The following PCNT variants were observed in gnomAD, a reference collection of about 807,000 sequenced individuals.
The protein encoded by PCNT is kendrin.
A neutral mutation model predicts 380.4 loss-of-function variants in PCNT; 319 were observed. That is an observed-to-expected ratio of 0.84 (90% CI 0.77 to 0.92). The LOEUF (loss-of-function observed/expected upper bound fraction) is 0.92, where lower values mean the gene tolerates loss of function less well. Among genes scored for constraint, PCNT ranks in the 40% least tolerant of loss-of-function variants. The probability of loss-of-function intolerance (pLI) is 0.00; values close to 1 mark genes in which losing one functional copy is unlikely to be tolerated. For synonymous variants in PCNT, 1,845 were observed against 1,735.2 expected (o/e 1.06, Z -1.57); for missense variants, 4,400 against 4,255.3 (o/e 1.03, Z -0.95).
Position 46,411,873 on chromosome 21 carries a change from C to A in PCNT, c.5800C>A (p.Gln1934Lys). The A allele has an allele frequency of 6.4e-7, 1 of 1,568,964 alleles. No homozygotes were observed. Among genetic ancestry groups the A allele is most frequent in the Non-Finnish European group, 8.6e-7 (1 of 1,164,482 alleles). The change falls in exon 28 of 47, where the codon CAG becomes AAG. Residue 1934 changes from glutamine to lysine, a missense_variant. Physicochemically the swap from Gln to Lys is moderately conservative, Grantham distance 53 (BLOSUM62 1). Transcript: ENST00000359568. Reference protein sequence around the residue: ...AQCARLSRQLQVLHQRFLRCQ... With the variant: ...AQCARLSRQLKVLHQRFLRCQ... ...GTGTGCCCGCCTCAGCCGCCAGCTG[C>A]AGGTGCTGCACCAGCGGTTCCTGAG...
At chr21:46,328,813 A>T (rs547999726) in intron 2 of PCNT, among the ~76,000 whole-genome samples, 4 of 142,712 alleles carry the variant, frequency 2.8e-5, no homozygotes, top group Admixed American at 7.0e-5. Flanking sequence ...TCACTCTGTC[A>T]TCCAGGCTGG....
At chr21:46,375,757 C>T (rs1000171355) in intron 15 of PCNT, among the ~76,000 whole-genome samples, 3 of 152,246 alleles carry the variant, frequency 2.0e-5, no homozygotes, top group African/African-American at 7.2e-5. Flanking sequence ...CCCTGCCCGA[C>T]GTCTCCTGGG....
chr21:46,394,176 C>G (rs2086130358), intron 21 of PCNT, among the ~76,000 whole-genome samples: 1 of 152,258 alleles, frequency 6.6e-6, no homozygotes, highest in African/African-American at 2.4e-5. Flanking sequence ...AGGGCCTAGG[C>G]TCTGACGGTG....
chr21:46,415,155 G>A (rs956398214), intron 29 of PCNT, among the ~76,000 whole-genome samples: 4 of 152,212 alleles, frequency 2.6e-5, no homozygotes, highest in South Asian at 2.1e-4. Context: ...TCCACACTGC[G>A]TGCACCTCAT....
At chr21:46,397,750 G>A (rs2086255962) in intron 22 of PCNT, among the ~76,000 whole-genome samples, 1 of 152,172 alleles carries the variant, frequency 6.6e-6, no homozygotes, top group Non-Finnish European at 1.5e-5. Flanking sequence ...GTCACTTGGG[G>A]CCCGGGCTGG....
chr21:46,384,074 G>T (rs1287465036), intron 16 of PCNT, among the ~76,000 whole-genome samples: 2 of 146,004 alleles, frequency 1.4e-5, no homozygotes, highest in African/African-American at 5.1e-5. Context: ...AGCAGCGGAA[G>T]CGCATTCACA....
rs1449162495 is a variant in PCNT at position 46,441,236 on chromosome 21, G to C, written c.9623+152G>C. 7 of 682,926 alleles carry C rather than the reference G, an allele frequency of 1.0e-5. No homozygotes were observed. In the East Asian group the frequency reaches 1.9e-4, roughly 18 times the overall value. 42.3% of individuals were successfully genotyped at this position (682,926 alleles called of 1,614,324 possible). A position where few individuals can be genotyped will look rare whatever the true frequency, so the allele number is the denominator to read the frequency against. On this transcript the variant is annotated intron_variant, in intron 43 of 46. Transcript: ENST00000359568. ...CATTTGAGGCCTTAGAGAAAATACA[G>C]ATGATGAACTTGTCTTCAAGAAGTC...
intron 25 of PCNT, among the ~76,000 whole-genome samples, chr21:46,400,512 C>CTTT (rs1215264897): frequency 3.5e-4 from 30 of 84,542 alleles, no homozygotes; most frequent in Non-Finnish European, 5.4e-4. Context: ...GTGTCTGATT[C>CTTT]TTTTTTTTTT....
At chr21:46,339,208 G>A (rs151198913) in intron 3 of PCNT, among the ~76,000 whole-genome samples, 38 of 152,288 alleles carry the variant, frequency 2.5e-4, no homozygotes, top group Middle Eastern at 3.4e-3. Context: ...GAACAACTGT[G>A]CCTGGCCTGT....
intron 45 of PCNT, among the ~76,000 whole-genome samples, chr21:46,444,212 A>AG (rs989768174): frequency 2.6e-5 from 4 of 151,960 alleles, no homozygotes; most frequent in Non-Finnish European, 5.9e-5. Context: ...TCCTTTTGTG[A>AG]GGGATGTGCC....
chr21:46,360,228 T>TTTA (rs1440510138), intron 13 of PCNT, among the ~76,000 whole-genome samples: 4 of 145,212 alleles, frequency 2.8e-5, no homozygotes, highest in Non-Finnish European at 6.0e-5. Flanking sequence ...TTTTTTTTTT[T>TTTA]TTTTTTTTTT....
rs755726044 is a variant in PCNT at position 46,416,194 on chromosome 21, C to T, written c.6276C>T (p.Ala2092=). Residue 2092 remains alanine (A), a synonymous_variant, in exon 30 of 47, where the codon GCC becomes GCT. Transcript: ENST00000359568. ...YSMTFQNVDA[A]DTKSLWPMAS... Reference sequence around the variant, plus strand: ...TGACCTTCCAGAATGTGGATGCTGCCGACACCAAATCTCTGTGGCCCATGG... The same window carrying T: ...TGACCTTCCAGAATGTGGATGCTGCTGACACCAAATCTCTGTGGCCCATGG... 51 of 1,614,028 alleles carry T rather than the reference C, an allele frequency of 3.2e-5. No individual in the cohort carries two copies. Among genetic ancestry groups the T allele is most frequent in the Middle Eastern group, 1.6e-4 (1 of 6,084 alleles).
At chr21:46,422,600 A>T (rs999665690) in intron 32 of PCNT, among the ~76,000 whole-genome samples, 3 of 152,260 alleles carry the variant, frequency 2.0e-5, no homozygotes, top group Non-Finnish European at 4.4e-5. Flanking sequence ...TTCCTCTCCC[A>T]GTTTAGCAGA....
At chr21:46,438,095 C>T in intron 40 of PCNT, 69 bp from the exon 41 acceptor site, 1 of 1,277,996 alleles carries the variant, frequency 7.8e-7, no homozygotes, top group Non-Finnish European at 1.1e-6. Context: ...TAACTGTTGA[C>T]AAAAAACACA....
At chr21:46,358,222 G>A (rs927055866) in intron 13 of PCNT, among the ~76,000 whole-genome samples, 1 of 152,278 alleles carries the variant, frequency 6.6e-6, no homozygotes, top group Non-Finnish European at 1.5e-5. Flanking sequence ...TGGAGTTAAA[G>A]TGACTGAAAT....
chr21:46,389,902 CTG>C (rs2085973194), intron 19 of PCNT, among the ~76,000 whole-genome samples: 1 of 152,202 alleles, frequency 6.6e-6, no homozygotes, highest in Non-Finnish European at 1.5e-5. Flanking sequence ...TCTTGTAGCT[CTG>C]GCGCTGGAGG....
intron 28 of PCNT, 29 bp downstream of exon 28, chr21:46,412,096 G>A (rs776475317): frequency 6.3e-7 from 1 of 1,596,028 alleles, no homozygotes; most frequent in Non-Finnish European, 8.5e-7. Context: ...CCATGGCAGG[G>A]TATTTTTTTT....
intron 15 of PCNT, among the ~76,000 whole-genome samples, chr21:46,373,372 A>T (rs1486199260): frequency 6.6e-6 from 1 of 150,982 alleles, no homozygotes; most frequent in African/African-American, 2.4e-5. Flanking sequence ...GTTGAGGTAC[A>T]GGTTTGCGCG....
Position 46,416,473 on chromosome 21 carries a change from T to A in PCNT, c.6555T>A (p.Cys2185Ter). The A allele has an allele frequency of 6.2e-7, 1 of 1,614,146 alleles. No homozygotes were observed. Among genetic ancestry groups the A allele is most frequent in the Non-Finnish European group, 8.5e-7 (1 of 1,180,026 alleles). Residue 2185 changes from cysteine to a stop codon, truncating the protein, a stop_gained, in exon 30 of 47, where the codon TGT becomes TGA. Coordinates refer to ENST00000359568, the MANE Select transcript of PCNT (RefSeq NM_006031.6). LOFTEE classifies it high-confidence loss of function. ...PDSPIQEKSE[C>*]QDMSLSSPTS... ...CTCCCATTCAAGAAAAATCAGAATG[T>A]CAGGACATGTCTCTTTCTTCACCGA...
Sources: gnomAD v4.1 joint callset for allele counts (sites outside exome capture counted in the v4.1 genomes callset) on GRCh38, gnomAD v4.1.1 for gene constraint, MANE v1.5 for transcripts, NCBI Gene and HGNC (gene_info 2026-07-23, HGNC 2026-07-21) for gene names.